The following STPG2 variants were observed in gnomAD, a reference collection of about 807,000 sequenced individuals.
STPG2 encodes sperm tail PG-rich repeat containing 2, also known as sperm-tail PG-rich repeat-containing protein 2.
A neutral mutation model predicts 54.2 loss-of-function variants in STPG2; 56 were observed. The observed-to-expected ratio is 1.03, with a 90% CI of 0.83 to 1.29. The LOEUF (loss-of-function observed/expected upper bound fraction) is 1.29. Among genes scored for constraint, STPG2 ranks in the 50% most tolerant of loss-of-function variants. The pLI is 0.00. For missense variants in STPG2, 596 were observed against 544.9 expected (o/e 1.09, Z -0.93); for synonymous variants, 200 against 181.8 (o/e 1.10, Z -0.81).
chr4:97,605,848 G>C (rs1220513541), intron 10 of STPG2, among the ~76,000 whole-genome samples: 1 of 150,780 alleles, frequency 6.6e-6, no homozygotes, highest in African/African-American at 2.4e-5. Context: ...TAGAAACAAA[G>C]AACAAACCCA....
intron 1 of STPG2, among the ~76,000 whole-genome samples, chr4:98,142,069 C>A (rs1287491103): frequency 1.3e-5 from 2 of 151,778 alleles, no homozygotes; most frequent in Non-Finnish European, 2.9e-5. Context: ...CATTGTTAGC[C>A]ATTGTTAGGG....
At chr4:97,977,321 C>A (rs187242151) in intron 6 of STPG2, among the ~76,000 whole-genome samples, 13 of 152,166 alleles carry the variant, frequency 8.5e-5, no homozygotes, top group African/African-American at 3.1e-4. Flanking sequence ...CATAAACCAG[C>A]TTTTTAAAAA....
At chr4:97,789,025 C>A (rs897336600) in intron 9 of STPG2, among the ~76,000 whole-genome samples, 12 of 151,426 alleles carry the variant, frequency 7.9e-5, no homozygotes, top group South Asian at 4.2e-4. Context: ...TTTTCTAATA[C>A]AAATGTTAAA....
At chr4:97,974,655 C>T (rs1006795507) in intron 6 of STPG2, among the ~76,000 whole-genome samples, 2 of 151,870 alleles carry the variant, frequency 1.3e-5, no homozygotes, top group Admixed American at 1.3e-4. Flanking sequence ...GTTTTAAAAA[C>T]TGGAGTTTCC....
At chr4:97,747,838 A>C (rs186571778) in intron 9 of STPG2, among the ~76,000 whole-genome samples, 13 of 151,572 alleles carry the variant, frequency 8.6e-5, no homozygotes, top group Non-Finnish European at 1.8e-4. Flanking sequence ...TTGCTTAGAA[A>C]TTCTTGGTTT....
At chr4:97,890,071 A>G (rs1730711725) in intron 8 of STPG2, among the ~76,000 whole-genome samples, 1 of 152,274 alleles carries the variant, frequency 6.6e-6, no homozygotes, top group Middle Eastern at 3.4e-3. Flanking sequence ...ATAATTCTCA[A>G]AAGAGTAATC....
At chr4:97,601,416 T>C (rs1261451570) in intron 10 of STPG2, among the ~76,000 whole-genome samples, 3 of 152,074 alleles carry the variant, frequency 2.0e-5, no homozygotes, top group Admixed American at 2.0e-4. Flanking sequence ...TAAATTGTGC[T>C]TTTCAAGTTA....
chr4:97,909,280 G>A (rs540134265), intron 8 of STPG2, among the ~76,000 whole-genome samples: 3 of 151,816 alleles, frequency 2.0e-5, no homozygotes, highest in East Asian at 3.9e-4. Flanking sequence ...AAAGAAATTG[G>A]CAGAAGAAAA....
At chr4:97,592,341 T>C (rs1221806614) in intron 10 of STPG2, among the ~76,000 whole-genome samples, 3 of 152,180 alleles carry the variant, frequency 2.0e-5, no homozygotes, top group African/African-American at 7.2e-5. Context: ...TGTATTATGA[T>C]AATGAAATGA....
intron 8 of STPG2, among the ~76,000 whole-genome samples, chr4:97,853,828 C>G (rs2149133614): frequency 6.6e-6 from 1 of 152,246 alleles, no homozygotes; most frequent in Non-Finnish European, 1.5e-5. Context: ...CTCACCCAGG[C>G]TGGAGTGCAG....
At chr4:98,069,094 G>A (rs1012352457) in intron 5 of STPG2, among the ~76,000 whole-genome samples, 1 of 151,904 alleles carries the variant, frequency 6.6e-6, no homozygotes, top group Non-Finnish European at 1.5e-5. Context: ...GTATTAAAAT[G>A]TATAAATAAA....
At chr4:97,839,741 T>C (rs1728741352) in intron 9 of STPG2, among the ~76,000 whole-genome samples, 1 of 151,668 alleles carries the variant, frequency 6.6e-6, no homozygotes, top group African/African-American at 2.4e-5. Flanking sequence ...ATATGCCTGA[T>C]TCTTAAAAGG....
intron 5 of STPG2, among the ~76,000 whole-genome samples, chr4:98,061,200 G>C (rs1279873977): frequency 6.6e-6 from 1 of 152,000 alleles, no homozygotes; most frequent in African/African-American, 2.4e-5. Context: ...GCATCTATAA[G>C]GATGCTGTAT....
At chr4:97,571,944 G>T (rs1732612366) in intron 10 of STPG2, among the ~76,000 whole-genome samples, 1 of 152,100 alleles carries the variant, frequency 6.6e-6, no homozygotes, top group Admixed American at 6.6e-5. Flanking sequence ...ACTATCCAAG[G>T]TATATATCTA....
At chr4:97,620,075 C>T (rs1034220124) in intron 10 of STPG2, among the ~76,000 whole-genome samples, 1 of 152,036 alleles carries the variant, frequency 6.6e-6, no homozygotes, top group South Asian at 2.1e-4. Flanking sequence ...CTGCCTGCCT[C>T]GGCCTCCCAA....
intron 8 of STPG2, among the ~76,000 whole-genome samples, chr4:97,881,249 C>G (rs1730360429): frequency 6.6e-6 from 1 of 152,104 alleles, no homozygotes; most frequent in African/African-American, 2.4e-5. Flanking sequence ...AGCCAACCCT[C>G]TCATTTTTTA....
chr4:97,958,135 C>T (rs1253202940), intron 7 of STPG2, among the ~76,000 whole-genome samples: 2 of 151,996 alleles, frequency 1.3e-5, no homozygotes, highest in Admixed American at 6.6e-5. Context: ...CATGGTAAAA[C>T]CCTGTCTCTA....
rs769485834 is a variant in STPG2, at chr4:98,128,456, AGTGTACT to A, written c.352_358del (p.Ser118LeufsTer17). On this transcript the variant is annotated frameshift_variant, in exon 3 of 11. Transcript: ENST00000295268. LOFTEE classifies it high-confidence loss of function. ...TTGAGGTTTGTAGTATGCTGGACCA[AGTGTACT>A]GTCACAAGCAGGTGGAAAACATTTT... The A allele has an allele frequency of 6.2e-7, 1 of 1,612,052 alleles. No homozygotes were observed. The highest frequency in any genetic ancestry group is 8.5e-7 in the Non-Finnish European group (1 of 1,179,364).
chr4:97,703,273 C>T (rs1345668590), intron 10 of STPG2, among the ~76,000 whole-genome samples: 3 of 151,396 alleles, frequency 2.0e-5, no homozygotes, highest in Non-Finnish European at 4.4e-5. Context: ...AAGCAGCCAA[C>T]TCTAGAACCC....
Sources: gnomAD v4.1 joint callset for allele counts (sites outside exome capture counted in the v4.1 genomes callset) on GRCh38, gnomAD v4.1.1 for gene constraint, MANE v1.5 for transcripts, NCBI Gene and HGNC (gene_info 2026-07-23, HGNC 2026-07-21) for gene names.